TDRP: variants seen among roughly 807,000 people sequenced by gnomAD.
TDRP encodes testis development related protein, also known as testis development-related protein.
In TDRP, 12 loss-of-function variants were observed where a neutral mutation model predicts 10.5. The observed-to-expected ratio is 1.15, with a 90% CI of 0.73 to 1.86. The LOEUF (loss-of-function observed/expected upper bound fraction) is 1.86. Among genes scored for constraint, TDRP ranks in the 40% most tolerant of loss-of-function variants. TDRP has a pLI of 0.00. For missense variants in TDRP, 353 were observed against 229.2 expected, an observed-to-expected ratio of 1.54 and a Z score of -3.49; for synonymous variants, 139 against 95.4, an observed-to-expected ratio of 1.46 and a Z score of -2.67.
At chr8:517,135 A>C (rs112573761) in intron 1 of TDRP, among the ~76,000 whole-genome samples, 43 of 152,342 alleles carry the variant, frequency 2.8e-4, no homozygotes, top group African/African-American at 1.0e-3. Context: ...GAAGAGCATT[A>C]ACATTAAAAC....
intron 1 of TDRP, among the ~76,000 whole-genome samples, chr8:540,516 T>C (rs952347029): frequency 6.6e-6 from 1 of 152,194 alleles, no homozygotes; most frequent in Admixed American, 6.5e-5. Context: ...CCATATGCAT[T>C]AGCAGTTTTT....
intron 1 of TDRP, among the ~76,000 whole-genome samples, chr8:504,337 G>C (rs13255231): frequency 0.18 from 27,903 of 152,138 alleles, 2,901 homozygotes; most frequent in South Asian, 0.27. Flanking sequence ...GCATGTTTTG[G>C]GTAGTGTTTT....
chr8:494,439 C>A, intron 2 of TDRP, 55 bp downstream of exon 2: 1 of 1,543,726 alleles, frequency 6.5e-7, no homozygotes, highest in Non-Finnish European at 8.9e-7. Flanking sequence ...TCCACCTCCT[C>A]AGTGACTTCC....
intron 1 of TDRP, among the ~76,000 whole-genome samples, chr8:504,595 C>T (rs1584858452): frequency 6.6e-6 from 1 of 152,176 alleles, no homozygotes; most frequent in East Asian, 1.9e-4. Flanking sequence ...AACCGTAAAA[C>T]CACTCATGTT....
At chr8:519,874 G>A (rs975589999) in intron 1 of TDRP, among the ~76,000 whole-genome samples, 5 of 152,168 alleles carry the variant, frequency 3.3e-5, no homozygotes, top group African/African-American at 1.2e-4. Flanking sequence ...CGCCACTGTG[G>A]CCAGAGGTGT....
chr8:515,037 T>C (rs971398936), intron 1 of TDRP, among the ~76,000 whole-genome samples: 1 of 152,312 alleles, frequency 6.6e-6, no homozygotes, highest in East Asian at 1.9e-4. Flanking sequence ...ATTCCATCAA[T>C]ACTGGAGACA....
chr8:540,433 A>G (rs1336559096), intron 1 of TDRP, among the ~76,000 whole-genome samples: 3 of 152,224 alleles, frequency 2.0e-5, no homozygotes, highest in Non-Finnish European at 4.4e-5. Context: ...ACAGATATAC[A>G]AAAGAGCTTA....
chr8:514,814 C>T (rs1031809373), intron 1 of TDRP, among the ~76,000 whole-genome samples: 7 of 151,954 alleles, frequency 4.6e-5, no homozygotes, highest in African/African-American at 1.7e-4. Context: ...GCCAGTTTAC[C>T]ACCTCTCAGC....
intron 1 of TDRP, among the ~76,000 whole-genome samples, chr8:507,729 G>A (rs967399093): frequency 3.3e-5 from 5 of 152,210 alleles, no homozygotes; most frequent in Non-Finnish European, 7.4e-5. Flanking sequence ...AATAACAACA[G>A]CAACAATGGG....
chr8:528,666 A>G (rs749950682), intron 1 of TDRP, among the ~76,000 whole-genome samples: 2 of 131,024 alleles, frequency 1.5e-5, no homozygotes, highest in Non-Finnish European at 3.5e-5. Context: ...ATAAATGCAT[A>G]AAGTGATGGA....
intron 1 of TDRP, among the ~76,000 whole-genome samples, chr8:515,922 A>C (rs1481783774): frequency 1.3e-5 from 2 of 152,196 alleles, no homozygotes; most frequent in Admixed American, 6.5e-5. Context: ...AAAAGAAATA[A>C]AAAATAAATG....
At chr8:495,062 T>C (rs997365182) in intron 1 of TDRP, 1 of 155,350 alleles carries the variant, frequency 6.4e-6, no homozygotes, top group Non-Finnish European at 1.4e-5. Context: ...TGAGACCCCG[T>C]TGCTACAAAA....
intron 1 of TDRP, among the ~76,000 whole-genome samples, chr8:516,916 T>C (rs1801771509): frequency 1.3e-5 from 2 of 152,310 alleles, no homozygotes; most frequent in Admixed American, 6.5e-5. Context: ...TAGAATACTA[T>C]TCAGTGCTAA....
At chr8:503,765 G>T (rs946116472) in intron 1 of TDRP, among the ~76,000 whole-genome samples, 3 of 148,256 alleles carry the variant, frequency 2.0e-5, no homozygotes, top group South Asian at 4.3e-4. Context: ...GCATCAACAC[G>T]GAATCCAGAG....
intron 1 of TDRP, among the ~76,000 whole-genome samples, chr8:527,122 C>T (rs901902826): frequency 6.6e-6 from 1 of 151,704 alleles, no homozygotes; most frequent in African/African-American, 2.4e-5. Context: ...AAACACTTGC[C>T]ATTTCTATAC....
At chr8:504,277 G>A (rs1331515357) in intron 1 of TDRP, among the ~76,000 whole-genome samples, 12 of 152,176 alleles carry the variant, frequency 7.9e-5, no homozygotes, top group Admixed American at 7.9e-4. Flanking sequence ...CCTCAAAAAA[G>A]GCCCCACTGC....
At chr8:505,639 C>A (rs772597699) in intron 1 of TDRP, among the ~76,000 whole-genome samples, 1 of 152,174 alleles carries the variant, frequency 6.6e-6, no homozygotes, top group Non-Finnish European at 1.5e-5. Flanking sequence ...GCAGCAGGAA[C>A]GCATGGCCAA....
chr8:497,948 T>C (rs887317822), intron 1 of TDRP, among the ~76,000 whole-genome samples: 4 of 152,186 alleles, frequency 2.6e-5, no homozygotes, highest in Non-Finnish European at 5.9e-5. Context: ...GTATTGGGCC[T>C]GAAAGTACAC....
intron 1 of TDRP, among the ~76,000 whole-genome samples, chr8:530,957 ACT>A (rs1802175499): frequency 6.6e-6 from 1 of 151,774 alleles, no homozygotes; most frequent in East Asian, 1.9e-4. Flanking sequence ...AAGCCAGTTA[ACT>A]CTTTTTTCTC....
Sources: gnomAD v4.1 joint callset for allele counts (sites outside exome capture counted in the v4.1 genomes callset) on GRCh38, gnomAD v4.1.1 for gene constraint, MANE v1.5 for transcripts, NCBI Gene and HGNC (gene_info 2026-07-23, HGNC 2026-07-21) for gene names.